SHISAL1: variants seen among roughly 807,000 people sequenced by gnomAD.
The protein encoded by SHISAL1 is protein shisa-like-1.
Under a neutral mutation model 22.6 loss-of-function variants are expected in SHISAL1, and 9 were observed. That is an observed-to-expected ratio of 0.40 (90% CI 0.24 to 0.70). The LOEUF is 0.70. SHISAL1 is among the 30% of genes least tolerant of loss of function. The pLI, the probability that SHISAL1 is intolerant of heterozygous loss-of-function variation, is 0.39. For synonymous variants in SHISAL1, 119 were observed against 115.4 expected, an observed-to-expected ratio of 1.03 and a Z score of -0.20; for missense variants, 246 against 270.6, an observed-to-expected ratio of 0.91 and a Z score of 0.64.
At chr22:44,260,222 T>C (rs1366609848) in intron 4 of SHISAL1, among the ~76,000 whole-genome samples, 1 of 152,246 alleles carries the variant, frequency 6.6e-6, no homozygotes, top group Admixed American at 6.5e-5. Context: ...GAGCCTGTAC[T>C]GTTTCCTCTT....
chr22:44,290,543 A>C (rs549075080), intron 3 of SHISAL1, among the ~76,000 whole-genome samples: 1 of 151,178 alleles, frequency 6.6e-6, no homozygotes, highest in African/African-American at 2.5e-5. Context: ...AAAAAAAAAA[A>C]ACAAAAAACG....
intron 4 of SHISAL1, among the ~76,000 whole-genome samples, chr22:44,285,160 G>T (rs937689597): frequency 2.0e-5 from 3 of 152,146 alleles, no homozygotes; most frequent in Admixed American, 1.3e-4. Flanking sequence ...ATGTTTAGTG[G>T]TTACCTCTCT....
At chr22:44,261,086 TATATATATATATAC>T (rs1380622062) in intron 4 of SHISAL1, among the ~76,000 whole-genome samples, 4 of 136,392 alleles carry the variant, frequency 2.9e-5, no homozygotes, top group Admixed American at 7.1e-5. Context: ...TTTATATATA[TATATATATATATAC>T]ACTATATGGA....
chr22:44,282,389 C>T (rs2055282732), intron 4 of SHISAL1, among the ~76,000 whole-genome samples: 1 of 152,248 alleles, frequency 6.6e-6, no homozygotes, highest in African/African-American at 2.4e-5. Context: ...ACTGCCCTGT[C>T]CTGGCAGTGC....
chr22:44,323,510 T>C, the SHISAL1 span, among the ~76,000 whole-genome samples: 1 of 104,064 alleles, frequency 9.6e-6, no homozygotes, highest in East Asian at 3.6e-4. Context: ...CCATCAACCA[T>C]CCATCCATCC....
chr22:44,287,897 C>T (rs371156071), intron 3 of SHISAL1, among the ~76,000 whole-genome samples: 50 of 152,214 alleles, frequency 3.3e-4, no homozygotes, highest in Middle Eastern at 3.4e-3. Flanking sequence ...GGTTTTTCTT[C>T]GGTGGTTCCC....
In SHISAL1 at chr22:44,303,094, C is replaced by T. The variant is rs79802642; in HGVS notation, c.-32-2117G>A. Among the ~76,000 whole-genome samples the T allele has an allele frequency of 6.5e-3, 978 of 151,180 alleles. 18 individuals carry two copies. Among genetic ancestry groups the T allele is most frequent in the African/African-American group, 0.023 (928 of 40,556 alleles). The stretch of plus-strand genomic sequence containing the variant: ...GCCATCTAAGTGCTCTGTGTAACAG[C>T]GTCGTCCTCCCAGAGCCCCTGTTGC... On this transcript the variant is annotated intron_variant, in intron 1 of 4. Coordinates refer to ENST00000381176, the MANE Select transcript of SHISAL1 (RefSeq NM_001099294.2).
chr22:44,261,322 C>G (rs1364560944), intron 4 of SHISAL1, among the ~76,000 whole-genome samples: 2 of 151,826 alleles, frequency 1.3e-5, no homozygotes, highest in Non-Finnish European at 2.9e-5. Context: ...TGGGAATACC[C>G]TCCCCTATCT....
intron 1 of SHISAL1, among the ~76,000 whole-genome samples, chr22:44,301,364 G>C (rs139488979): frequency 7.9e-4 from 121 of 152,252 alleles, no homozygotes; most frequent in African/African-American, 2.9e-3. Context: ...TGTCGCTAAG[G>C]TGGAGGGTTT....
At chr22:44,275,407 GC>G (rs1376739965) in intron 4 of SHISAL1, among the ~76,000 whole-genome samples, 3 of 152,212 alleles carry the variant, frequency 2.0e-5, no homozygotes, top group Admixed American at 1.3e-4. Flanking sequence ...CAGAAGCGAG[GC>G]TGAGTTTCGG....
intron 4 of SHISAL1, among the ~76,000 whole-genome samples, chr22:44,260,623 A>C (rs1454833227): frequency 6.6e-6 from 1 of 152,182 alleles, no homozygotes; most frequent in Non-Finnish European, 1.5e-5. Context: ...ATTCCCTTTT[A>C]AGCTGCTCAG....
At chr22:44,255,528 T>A (rs2055078454) in intron 4 of SHISAL1, among the ~76,000 whole-genome samples, 3 of 152,176 alleles carry the variant, frequency 2.0e-5, no homozygotes, top group Admixed American at 2.0e-4. Flanking sequence ...CCGTTGGACC[T>A]TCCTTCAGAA....
chr22:44,271,221 C>G (rs1299038807), intron 4 of SHISAL1, among the ~76,000 whole-genome samples: 1 of 152,158 alleles, frequency 6.6e-6, no homozygotes, highest in Non-Finnish European at 1.5e-5. Flanking sequence ...CTGGGCAGCA[C>G]AGAGTCCAGT....
intron 4 of SHISAL1, among the ~76,000 whole-genome samples, chr22:44,269,529 AC>A (rs1179934058): frequency 1.5e-4 from 4 of 26,488 alleles, no homozygotes; most frequent in Non-Finnish European, 4.5e-4. Flanking sequence ...CACACAATAT[AC>A]ACACACACCA....
chr22:44,308,382 C>A (rs966163743), intron 1 of SHISAL1, among the ~76,000 whole-genome samples: 6 of 152,234 alleles, frequency 3.9e-5, no homozygotes, highest in Non-Finnish European at 8.8e-5. Flanking sequence ...GCACCTGAGG[C>A]CCCTTGTGGC....
chr22:44,299,900 A>G (rs955511171), intron 2 of SHISAL1, among the ~76,000 whole-genome samples: 1 of 148,368 alleles, frequency 6.7e-6, no homozygotes, highest in Non-Finnish European at 1.5e-5. Flanking sequence ...AGACAGAGAG[A>G]CAGAGACAGA....
rs148416692 is a variant in SHISAL1, at chr22:44,260,058, G to A, written c.*-10373C>T. Among the ~76,000 whole-genome samples, 1,401 of 152,040 alleles carry A rather than the reference G, an allele frequency of 9.2e-3. 12 individuals are homozygous for A. The highest frequency in any genetic ancestry group is 0.013 in the Non-Finnish European group (865 of 67,996). On this transcript the variant is annotated intron_variant, in intron 4 of 4. Coordinates refer to ENST00000381176, the MANE Select transcript of SHISAL1 (RefSeq NM_001099294.2). Reference sequence around the variant, plus strand: ...TTTACAGCCTAGCTCTGTCCACCACGGCGCCCTCCAGACTACCCGACTGAG... The same window carrying A: ...TTTACAGCCTAGCTCTGTCCACCACAGCGCCCTCCAGACTACCCGACTGAG...
At chr22:44,250,466 T>C (rs1358076042) in intron 4 of SHISAL1, among the ~76,000 whole-genome samples, 1 of 152,194 alleles carries the variant, frequency 6.6e-6, no homozygotes, top group East Asian at 1.9e-4. Context: ...CAGAGTCAAG[T>C]TGCAAACAAG....
In SHISAL1 at chr22:44,281,372, C is replaced by T. The variant is rs188314966; in HGVS notation, c.599+4056G>A. 1.1e-3 allele frequency among the ~76,000 whole-genome samples: 174 copies of T among 152,008 alleles called. 1 individual carries two copies. The highest frequency in any genetic ancestry group is 3.9e-3 in the African/African-American group (160 of 41,460). ...GGAGGTCCAGATAGTGAGGTCAGGT[C>T]GGGGATTGGTGGGAGGGCCTGGCTG... On this transcript the variant is annotated intron_variant, in intron 4 of 4. Coordinates refer to ENST00000381176, the MANE Select transcript of SHISAL1 (RefSeq NM_001099294.2).
Sources: gnomAD v4.1 joint callset for allele counts (sites outside exome capture counted in the v4.1 genomes callset) on GRCh38, gnomAD v4.1.1 for gene constraint, MANE v1.5 for transcripts, NCBI Gene and HGNC (gene_info 2026-07-23, HGNC 2026-07-21) for gene names.